Variants in TIMM23B observed in about 807,000 individuals in gnomAD.
The protein encoded by TIMM23B is mitochondrial import inner membrane translocase subunit Tim23B.
Under a neutral mutation model 27.3 loss-of-function variants are expected in TIMM23B, and 27 were observed. The observed-to-expected ratio is 0.99, with a 90% confidence interval of 0.73 to 1.36. The LOEUF is 1.36. Ranked by LOEUF, TIMM23B falls within the 40% of genes most tolerant of loss-of-function variation. TIMM23B has a pLI of 0.00. For missense variants in TIMM23B, 205 were observed against 244.2 expected, an observed-to-expected ratio of 0.84 and a Z score of 1.07; for synonymous variants, 73 against 92.4, an observed-to-expected ratio of 0.79 and a Z score of 1.21.
At chr10:49,961,010 T>G (rs1400107567) in intron 6 of TIMM23B, among the ~76,000 whole-genome samples, 1 of 151,514 alleles carries the variant, frequency 6.6e-6, no homozygotes, top group East Asian at 1.9e-4. Flanking sequence ...TAAAATAGAT[T>G]GGAGGTAGAA....
intron 4 of TIMM23B, among the ~76,000 whole-genome samples, chr10:49,953,702 C>T: frequency 7.0e-6 from 1 of 142,296 alleles, no homozygotes; most frequent in East Asian, 2.1e-4. Context: ...GCTTTACCAG[C>T]CTAGATCCTT....
At chr10:49,963,514 G>A (rs1289987564) in intron 6 of TIMM23B, among the ~76,000 whole-genome samples, 4 of 152,128 alleles carry the variant, frequency 2.6e-5, no homozygotes, top group Non-Finnish European at 5.9e-5. Flanking sequence ...AATGAACAAT[G>A]AAATGCCGGG....
chr10:49,959,616 T>C (rs1326868795), intron 6 of TIMM23B, among the ~76,000 whole-genome samples: 5 of 152,258 alleles, frequency 3.3e-5, no homozygotes. Context: ...ATTTTAATGA[T>C]GTTTAATCCA....
Position 49,957,255 on chromosome 10 carries a change from ATT to A in TIMM23B, c.404-1097_404-1096del, listed in dbSNP as rs1219932424. Reference sequence around the variant, plus strand: ...TAACATTTGCGTATTTATTATAAAGATTTTTTTTTTTTTTTTTTTGAGACAAG... The same window carrying A: ...TAACATTTGCGTATTTATTATAAAGATTTTTTTTTTTTTTTTTGAGACAAG... On this transcript the variant is annotated intron_variant, in intron 5 of 6. Coordinates refer to ENST00000651259, the MANE Select transcript of TIMM23B (RefSeq NM_001290117.2). Among the ~76,000 whole-genome samples, 611 of 134,266 alleles carry A rather than the reference ATT, an allele frequency of 4.6e-3. 2 individuals are homozygous for A. The highest frequency in any genetic ancestry group is 0.016 in the African/African-American group (537 of 34,120). 88.1% of individuals were successfully genotyped at this position (134,266 alleles called of 152,430 possible). A position where few individuals can be genotyped will look rare whatever the true frequency, so the allele number is the denominator to read the frequency against.
Position 49,971,292 on chromosome 10 carries a change from C to G in TIMM23B, c.515-1720C>G, listed in dbSNP as rs575723004. Among the ~76,000 whole-genome samples the G allele has an allele frequency of 1.3e-3, 199 of 151,260 alleles. 1 individual carries two copies. The highest frequency in any genetic ancestry group is 4.6e-3 in the African/African-American group (189 of 41,170). On this transcript the variant is annotated intron_variant, in intron 6 of 6. Transcript: ENST00000651259. ...TATTGTCCTATGACCCTGCCAAATC[C>G]CCTTCTCCGAGAAACACCCAAGAAT...
intron 6 of TIMM23B, among the ~76,000 whole-genome samples, chr10:49,971,326 A>G (rs1458018056): frequency 1.3e-5 from 2 of 151,074 alleles, no homozygotes; most frequent in Admixed American, 6.6e-5. Flanking sequence ...ATGATCAATA[A>G]ATACTAAAAA....
Position 49,973,341 on chromosome 10 carries a change from A to G in TIMM23B, c.*277A>G, listed in dbSNP as rs1250950706. On this transcript the variant is annotated 3_prime_UTR_variant, in exon 7 of 7. Transcript: ENST00000651259. The stretch of plus-strand genomic sequence containing the variant: ...GTAATTTCTGAACTATTATTTATCA[A>G]TTCATTGCCTACATGTCAGCAAACA... The G allele has an allele frequency of 5.3e-4, 238 of 450,078 alleles. No individual in the cohort carries two copies. Among genetic ancestry groups the G allele is most frequent in the Non-Finnish European group, 7.8e-4 (201 of 256,286 alleles). 27.9% of individuals were successfully genotyped at this position (450,078 alleles called of 1,614,324 possible).
chr10:49,959,543 T>G (rs1417777110), intron 6 of TIMM23B, among the ~76,000 whole-genome samples: 9 of 152,218 alleles, frequency 5.9e-5, no homozygotes, highest in Non-Finnish European at 1.3e-4. Context: ...AATTTTTATT[T>G]TTATCAAAAT....
chr10:49,966,893 C>T (rs1400975527), intron 6 of TIMM23B, among the ~76,000 whole-genome samples: 3 of 152,152 alleles, frequency 2.0e-5, no homozygotes, highest in Admixed American at 6.5e-5. Context: ...GTTTTTCCCT[C>T]ATGATCTTTC....
At chr10:49,968,256 T>C (rs1476656674) in intron 6 of TIMM23B, among the ~76,000 whole-genome samples, 3 of 152,250 alleles carry the variant, frequency 2.0e-5, no homozygotes, top group Non-Finnish European at 4.4e-5. Context: ...GAAAGTGTTG[T>C]GAGCTCTTAC....
chr10:49,943,327 C>T (rs1839224692), intron 1 of TIMM23B: 1 of 152,028 alleles, frequency 6.6e-6, no homozygotes, highest in Non-Finnish European at 1.5e-5. Context: ...ACAATCCTCC[C>T]CTCTAAGCCT....
rs1316219029 is a variant in TIMM23B, at chr10:49,973,789, G to C, written c.*725G>C. ...ATGTGTTGATGATTATACCTTCTCA[G>C]AATGAAGGTAATTTTTTTTTTTTCT... On this transcript the variant is annotated 3_prime_UTR_variant, in exon 7 of 7. Transcript: ENST00000651259. The C allele has an allele frequency of 6.6e-6, 1 of 151,632 alleles. No individual in the cohort carries two copies. The highest frequency in any genetic ancestry group is 1.9e-4 in the East Asian group (1 of 5,190). 9.4% of individuals were successfully genotyped at this position (151,632 alleles called of 1,614,324 possible).
At chr10:49,960,705 A>G (rs1347056647) in intron 6 of TIMM23B, among the ~76,000 whole-genome samples, 1 of 151,506 alleles carries the variant, frequency 6.6e-6, no homozygotes, top group Admixed American at 6.6e-5. Context: ...CACCAAACCA[A>G]ATTACCTCCA....
At chr10:49,954,927 G>A (rs1273900182) in intron 4 of TIMM23B, 75 bp from the exon 5 acceptor site, 2 of 1,577,364 alleles carry the variant, frequency 1.3e-6, no homozygotes, top group Admixed American at 3.4e-5. Context: ...ATGTTAAATA[G>A]CCATTATTGT....
chr10:49,952,686 T>C (rs1308264607), intron 4 of TIMM23B, among the ~76,000 whole-genome samples, 153 bp downstream of exon 4: 1 of 150,298 alleles, frequency 6.7e-6, no homozygotes, highest in East Asian at 1.9e-4. Flanking sequence ...TAAAAGCAAC[T>C]AAGGAATCAG....
Position 49,963,919 on chromosome 10 carries a change from C to T in TIMM23B, c.514+5439C>T, listed in dbSNP as rs2997955. On this transcript the variant is annotated intron_variant, in intron 6 of 6. Transcript: ENST00000651259. ...GGCAGAGGTTGCAGTGAGCAGGGAT[C>T]GCGCCACTGCACTCCAGCCTGGGTG... Among the ~76,000 whole-genome samples the T allele has an allele frequency of 1.7e-4, 26 of 151,768 alleles. No homozygotes were observed. In the South Asian group the frequency reaches 3.3e-3, roughly 19 times the overall value.
chr10:49,943,012 G>A (rs1488498865), intron 1 of TIMM23B, among the ~76,000 whole-genome samples: 1 of 152,142 alleles, frequency 6.6e-6, no homozygotes, highest in African/African-American at 2.4e-5. Flanking sequence ...ATAGGCAGTT[G>A]GTCGTGGATA....
In TIMM23B at chr10:49,972,308, T is replaced by C. The variant is rs552355429; in HGVS notation, c.515-704T>C. On this transcript the variant is annotated intron_variant, in intron 6 of 6. Transcript: ENST00000651259. The stretch of plus-strand genomic sequence containing the variant: ...ACTTTAGGACAGCGTGAGTCACAGG[T>C]TGCACTAGAAGTTGCCTTTGAAATT... Among the ~76,000 whole-genome samples the C allele has an allele frequency of 3.8e-3, 581 of 152,204 alleles. 1 individual carries two copies. The highest frequency in any genetic ancestry group is 7.5e-3 in the Admixed American group (114 of 15,292).
intron 2 of TIMM23B, among the ~76,000 whole-genome samples, chr10:49,950,171 C>T (rs1162759027): frequency 8.6e-5 from 13 of 150,470 alleles, no homozygotes; most frequent in South Asian, 2.1e-4. Flanking sequence ...GTGTTAAACA[C>T]GCAAAATTAT....
Sources: allele counts gnomAD v4.1 joint callset (sites outside exome capture counted in the v4.1 genomes callset), GRCh38; gene constraint gnomAD v4.1.1; transcripts MANE v1.5; gene names NCBI Gene and HGNC (gene_info 2026-07-23, HGNC 2026-07-21).